The following SPINK8 variants were observed in gnomAD, a reference collection of about 807,000 sequenced individuals.
The protein encoded by SPINK8 is serine protease inhibitor Kazal-type 8.
SPINK8 carries 12 observed loss-of-function variants against 14.4 expected under a neutral mutation model. That is an observed-to-expected ratio of 0.83 (90% CI 0.53 to 1.35). The LOEUF (loss-of-function observed/expected upper bound fraction) is 1.35, where lower values mean the gene tolerates loss of function less well. Ranked by LOEUF, SPINK8 falls within the 40% of genes most tolerant of loss-of-function variation. The pLI is 0.00. For missense variants in SPINK8, 103 were observed against 117.0 expected (o/e 0.88, Z 0.55); for synonymous variants, 32 against 37.6 (o/e 0.85, Z 0.55).
chr3:48,319,370 T>C (rs2036037409), intron 6 of SPINK8, 127 bp downstream of exon 6: 1 of 1,104,080 alleles, frequency 9.1e-7, no homozygotes, highest in African/African-American at 1.6e-5. Context: ...GAGGAACAAA[T>C]ACTGGAGGAA....
Position 48,309,953 on chromosome 3 carries a change from G to C in SPINK8, c.240-7C>G. The C allele has an allele frequency of 7.1e-7, 1 of 1,413,366 alleles. No individual in the cohort carries two copies. The highest frequency in any genetic ancestry group is 9.2e-7 in the Non-Finnish European group (1 of 1,083,234). The allele number at this position is 1,413,366 out of a possible 1,614,324, so 87.6% of individuals were successfully genotyped here. A position where few individuals can be genotyped will look rare whatever the true frequency, so the allele number is the denominator to read the frequency against. ...TATGTTAAGCCCTTCAAATCTGAAA[G>C]AAATTATATTTTAAAATTATTTTTG... On this transcript the variant is annotated splice_region_variant and splice_polypyrimidine_tract_variant and intron_variant, in intron 6 of 7. Coordinates refer to ENST00000434006, the MANE Select transcript of SPINK8 (RefSeq NM_001080525.3).
At chr3:48,318,093 G>A (rs975643625) in intron 6 of SPINK8, among the ~76,000 whole-genome samples, 8 of 151,928 alleles carry the variant, frequency 5.3e-5, no homozygotes, top group African/African-American at 1.7e-4. Flanking sequence ...AAATTAGATT[G>A]GTATAAATTA....
chr3:48,312,996 C>CAA lies in SPINK8; in HGVS notation c.240-3052_240-3051dup, dbSNP rs57016387. On this transcript the variant is annotated intron_variant, in intron 6 of 7. Transcript: ENST00000434006. ...CTGGGAACAGAGTCAGACTCTGTCT[C>CAA]AAAAAAAAAAAAAGATCAATGGGCT... Among the ~76,000 whole-genome samples, 12 of 122,024 alleles carry CAA rather than the reference C, an allele frequency of 9.8e-5. No homozygotes were observed. The South Asian group carries it at 2.4e-3, about 25-fold the overall frequency. 80.1% of individuals were successfully genotyped at this position (122,024 alleles called of 152,430 possible). A position where few individuals can be genotyped will look rare whatever the true frequency, so the allele number is the denominator to read the frequency against.
chr3:48,324,016 C>T (rs1320828493), intron 4 of SPINK8, among the ~76,000 whole-genome samples: 1 of 143,676 alleles, frequency 7.0e-6, no homozygotes, highest in African/African-American at 2.6e-5. Context: ...TTTTCCATTT[C>T]TGCAAAAAAG....
intron 6 of SPINK8, among the ~76,000 whole-genome samples, chr3:48,315,502 C>T (rs1281653663): frequency 6.6e-6 from 1 of 152,030 alleles, no homozygotes; most frequent in Admixed American, 6.6e-5. Flanking sequence ...AGGTGGATCA[C>T]TTGTGGTCAG....
chr3:48,314,924 T>C (rs1020634794), intron 6 of SPINK8, among the ~76,000 whole-genome samples: 6 of 152,224 alleles, frequency 3.9e-5, no homozygotes, highest in Non-Finnish European at 1.5e-5. Flanking sequence ...ACATCTCATC[T>C]CTAACTAATC....
chr3:48,318,445 T>C (rs2036024136), intron 6 of SPINK8, among the ~76,000 whole-genome samples: 1 of 152,156 alleles, frequency 6.6e-6, no homozygotes, highest in Admixed American at 6.6e-5. Flanking sequence ...CCAGCTAGAA[T>C]AATTTCTAAG....
intron 4 of SPINK8, among the ~76,000 whole-genome samples, chr3:48,327,282 G>A (rs939554228): frequency 4.6e-5 from 7 of 152,354 alleles, no homozygotes; most frequent in African/African-American, 1.7e-4. Flanking sequence ...CACTGAGGAA[G>A]TCACTGTTGT....
At chr3:48,319,382 G>A (rs1263303842) in intron 6 of SPINK8, 115 bp downstream of exon 6, 8 of 1,210,930 alleles carry the variant, frequency 6.6e-6, no homozygotes, top group Middle Eastern at 2.5e-4. Context: ...CTGGAGGAAT[G>A]TCTGGAGAGA....
At chr3:48,332,894 C>T (rs2036284376) in intron 1 of SPINK8, among the ~76,000 whole-genome samples, 1 of 152,198 alleles carries the variant, frequency 6.6e-6, no homozygotes, top group South Asian at 2.1e-4. Flanking sequence ...GAAAAAGGTA[C>T]ACACACTCTG....
At chr3:48,319,406 T>A in intron 6 of SPINK8, 91 bp downstream of exon 6, 1 of 1,437,738 alleles carries the variant, frequency 7.0e-7, no homozygotes, top group Non-Finnish European at 9.6e-7. Context: ...TCTCATTGGA[T>A]GATGTAGGAA....
rs764784658 is a variant in SPINK8 at position 48,306,986 on chromosome 3, G to A, written c.*6C>T. On this transcript the variant is annotated 3_prime_UTR_variant, in exon 8 of 8. Coordinates refer to ENST00000434006, the MANE Select transcript of SPINK8 (RefSeq NM_001080525.3). Reference sequence around the variant, plus strand: ...TCAGTAGGTTTTATAATTCTTTGTCGTACGTTCAAGAGTTTTCCTGCAAGA... The same window carrying A: ...TCAGTAGGTTTTATAATTCTTTGTCATACGTTCAAGAGTTTTCCTGCAAGA... 41 of 1,612,590 alleles carry A rather than the reference G, an allele frequency of 2.5e-5. No homozygotes were observed. The highest frequency in any genetic ancestry group is 1.6e-4 in the Middle Eastern group (1 of 6,084).
chr3:48,321,816 A>G (rs1002070919), intron 4 of SPINK8, among the ~76,000 whole-genome samples: 1 of 151,910 alleles, frequency 6.6e-6, no homozygotes, highest in African/African-American at 2.4e-5. Context: ...TCCGTCTAAA[A>G]AAAAAAAAAG....
intron 4 of SPINK8, among the ~76,000 whole-genome samples, chr3:48,322,117 A>G (rs2036084283): frequency 6.7e-6 from 1 of 149,488 alleles, no homozygotes; most frequent in Non-Finnish European, 1.5e-5. Context: ...GCCCAGCTGA[A>G]TTTACCAATT....
intron 7 of SPINK8, among the ~76,000 whole-genome samples, chr3:48,308,443 T>C (rs1325107468): frequency 6.6e-6 from 1 of 152,220 alleles, no homozygotes; most frequent in Non-Finnish European, 1.5e-5. Context: ...TTTTCATCCA[T>C]GGCACAATTA....
Position 48,306,849 on chromosome 3 carries a change from C to T in SPINK8, c.*143G>A. 1.3e-6 allele frequency: 1 copy of T among 773,886 alleles called. No homozygotes were observed. The highest frequency in any genetic ancestry group is 2.8e-5 in the East Asian group (1 of 36,090). The allele number at this position is 773,886 out of a possible 1,614,324, so 47.9% of individuals were successfully genotyped here. ...AAATGTTTGCCAGCCAGGTTTTCTGCTAAGAATCATTTATTGAAGACATAA... is the reference window on the plus strand; with the variant it reads ...AAATGTTTGCCAGCCAGGTTTTCTGTTAAGAATCATTTATTGAAGACATAA... On this transcript the variant is annotated 3_prime_UTR_variant, in exon 8 of 8. Transcript: ENST00000434006.
In SPINK8 at chr3:48,319,606, T is replaced by C; in HGVS notation, c.130A>G (p.Lys44Glu). ...AAAAACCAGCACTTATTTACATTCT[T>C]GAGGCATTCAACCTGAAGGTGAGAC... ...QLDKTIVECL[K>E]NVNKCWFLSY... is the part of the protein sequence containing the mutation. The change falls in exon 6 of 8, where the codon AAG becomes GAG. Residue 44 changes from lysine (K) to glutamate (E), a missense_variant. Transcript: ENST00000434006. 1 of 1,613,914 alleles carries C rather than the reference T, an allele frequency of 6.2e-7. No homozygotes were observed. Among genetic ancestry groups the C allele is most frequent in the Non-Finnish European group, 8.5e-7 (1 of 1,179,860 alleles).
rs1488543318 is a variant in SPINK8 at position 48,322,576 on chromosome 3, TA to T, written c.68-1503del. Among the ~76,000 whole-genome samples the T allele has an allele frequency of 2.0e-5, 3 of 152,340 alleles. No homozygotes were observed. The East Asian group carries it at 5.8e-4, about 29-fold the overall frequency. ...GTCTCGAACTCCTGACCTTAGGTGATATGCCCACCTCAGCCTCTTAAATTTC... is the reference window on the plus strand; with the variant it reads ...GTCTCGAACTCCTGACCTTAGGTGATTGCCCACCTCAGCCTCTTAAATTTC... On this transcript the variant is annotated intron_variant, in intron 4 of 7. Transcript: ENST00000434006.
chr3:48,309,679 C>T (rs184952703), intron 7 of SPINK8, among the ~76,000 whole-genome samples: 1 of 152,228 alleles, frequency 6.6e-6, no homozygotes, highest in Admixed American at 6.5e-5. Flanking sequence ...TTTTAATATA[C>T]TTCATCAAAG....
Sources: allele counts gnomAD v4.1 joint callset (sites outside exome capture counted in the v4.1 genomes callset), GRCh38; gene constraint gnomAD v4.1.1; transcripts MANE v1.5; gene names NCBI Gene and HGNC (gene_info 2026-07-23, HGNC 2026-07-21).